TAF6L: variants seen among roughly 807,000 people sequenced by gnomAD.
TAF6L encodes TATA-box binding protein associated factor 6 like.
A neutral mutation model predicts 57.3 loss-of-function variants in TAF6L; 34 were observed. The ratio of observed to expected loss-of-function variants is 0.59; its 90% CI spans 0.45 to 0.79. The LOEUF is 0.79. Ranked by LOEUF, TAF6L falls within the 30% of genes least tolerant of loss-of-function variation. TAF6L has a pLI of 0.00. For missense variants in TAF6L, 782 were observed against 853.2 expected, an observed-to-expected ratio of 0.92 and a Z score of 1.04; for synonymous variants, 417 against 376.3, an observed-to-expected ratio of 1.11 and a Z score of -1.25.
At position 62,787,010 on chromosome 11, in the gene TAF6L, A is replaced by T; in HGVS notation, c.1583A>T (p.His528Leu). Reference protein sequence around the residue: ...ASESRPLPRVHRARGAPRQQG... With the variant: ...ASESRPLPRVLRARGAPRQQG... ...GAGAGCAGGCCCTTGCCGCGCGTGC[A>T]TCGGGCGCGCGGGGCACCCCGGCAG... Residue 528 changes from histidine to leucine, a missense_variant, in exon 11 of 11, where the codon CAT becomes CTT. By Grantham distance (99) the His-to-Leu change is moderately conservative. This residue lies in a region of TAF6L where 483 missense variants were observed against 445.1 expected (regional missense o/e 1.09). Transcript: ENST00000294168. 1 of 1,486,738 alleles carries T rather than the reference A, an allele frequency of 6.7e-7. No homozygotes were observed. Among genetic ancestry groups the T allele is most frequent in the African/African-American group, 1.5e-5 (1 of 68,054 alleles). 92.1% of individuals were successfully genotyped at this position (1,486,738 alleles called of 1,614,324 possible).
intron 6 of TAF6L, among the ~76,000 whole-genome samples, chr11:62,780,820 C>G (rs2084223561): frequency 6.6e-6 from 1 of 150,884 alleles, no homozygotes; most frequent in Non-Finnish European, 1.5e-5. Context: ...GTCTGTAATC[C>G]TAGCTACTTG....
chr11:62,783,983 TGGCGCC>T (rs2084250003), intron 9 of TAF6L, among the ~76,000 whole-genome samples: 1 of 141,304 alleles, frequency 7.1e-6, no homozygotes, highest in African/African-American at 2.7e-5. Context: ...CTTGCCAAGA[TGGCGCC>T]ACTACACTCC....
Position 62,778,096 on chromosome 11 carries a change from T to A in TAF6L, c.353T>A (p.Ile118Asn). The A allele has an allele frequency of 6.2e-7, 1 of 1,614,062 alleles. No individual in the cohort carries two copies. Reference sequence around the variant, plus strand: ...GTGGAGCTGGCCCTGGCTACCAACATCCCCAAAGGCTGTGCTGAGACAGCT... The same window carrying A: ...GTGGAGCTGGCCCTGGCTACCAACAACCCCAAAGGCTGTGCTGAGACAGCT... ...NLVELALATNIPKGCAETAVR... is the reference protein window; with the variant it reads ...NLVELALATNNPKGCAETAVR... Residue 118 changes from isoleucine (I) to asparagine (N), a missense_variant, in exon 4 of 11, where the codon ATC becomes AAC. Coordinates refer to ENST00000294168, the MANE Select transcript of TAF6L (RefSeq NM_006473.4).
chr11:62,775,622 G>T, intron 1 of TAF6L, 149 bp from the exon 2 acceptor site: 1 of 790,614 alleles, frequency 1.3e-6, no homozygotes, highest in African/African-American at 1.7e-5. Context: ...CCTTCTCTGA[G>T]CCTCACTTTC....
intron 1 of TAF6L, chr11:62,772,063 T>TA (rs1216946762): frequency 1.1e-5 from 5 of 455,944 alleles, no homozygotes; most frequent in African/African-American, 6.0e-5. Flanking sequence ...CCTCCCTACT[T>TA]ACTCAGTGCT....
chr11:62,772,050 C>G, intron 1 of TAF6L: 1 of 455,432 alleles, frequency 2.2e-6, no homozygotes, highest in Non-Finnish European at 4.4e-6. Context: ...AGTCCTTGCT[C>G]CCCCTCCCTA....
At chr11:62,779,573 G>A (rs186826030) in intron 6 of TAF6L, among the ~76,000 whole-genome samples, 145 of 152,126 alleles carry the variant, frequency 9.5e-4, no homozygotes, top group Admixed American at 2.2e-3. Flanking sequence ...TGATCCACCC[G>A]CCTTGGCCTC....
At chr11:62,785,538 CTT>C (rs1205888751) in intron 9 of TAF6L, among the ~76,000 whole-genome samples, 14 of 136,346 alleles carry the variant, frequency 1.0e-4, no homozygotes, top group African/African-American at 8.1e-5. Flanking sequence ...ATAGTTAATT[CTT>C]TTTTTTTTTT....
intron 3 of TAF6L, among the ~76,000 whole-genome samples, chr11:62,777,640 G>A (rs537132282): frequency 9.7e-4 from 148 of 152,288 alleles, no homozygotes; most frequent in Non-Finnish European, 1.6e-3. Flanking sequence ...TTTCTGGAGC[G>A]GTGAGTTGAG....
intron 3 of TAF6L, among the ~76,000 whole-genome samples, chr11:62,776,988 A>G (rs866673039): frequency 6.6e-6 from 1 of 152,058 alleles, no homozygotes. Flanking sequence ...TTCTACTAAA[A>G]ATACAAAAAT....
chr11:62,778,769 T>G, intron 5 of TAF6L, 100 bp from the exon 6 acceptor site: 1 of 993,958 alleles, frequency 1.0e-6, no homozygotes, highest in Non-Finnish European at 1.6e-6. Flanking sequence ...AGGCTTCTTG[T>G]GGATGTGTGT....
intron 8 of TAF6L, 129 bp from the exon 9 acceptor site, chr11:62,782,564 C>A: frequency 7.3e-7 from 1 of 1,374,708 alleles, no homozygotes. Context: ...TCACCCCTGG[C>A]AGCCTTCTTC....
intron 1 of TAF6L, chr11:62,772,192 C>T: frequency 2.2e-6 from 1 of 455,152 alleles, no homozygotes; most frequent in Non-Finnish European, 4.4e-6. Context: ...TGAAGTAATC[C>T]ATATAAAGCA....
At position 62,786,526 on chromosome 11, in the gene TAF6L, G is replaced by A. The variant is rs769890556; in HGVS notation, c.1099G>A (p.Glu367Lys). The change falls in exon 11 of 11, where the codon GAG becomes AAG. Residue 367 changes from glutamate (E) to lysine (K), a missense_variant. This residue lies in a region of TAF6L where 483 missense variants were observed against 445.1 expected (regional missense o/e 1.09). Transcript: ENST00000294168. ...KVYGAILVAV[E>K]RLLKMKAQAA... Reference sequence around the variant, plus strand: ...TCCTTGGCTCTTACAGGTGGCGGTAGAGCGACTGCTGAAGATGAAGGCCCA... The same window carrying A: ...TCCTTGGCTCTTACAGGTGGCGGTAAAGCGACTGCTGAAGATGAAGGCCCA... 1 of 1,553,734 alleles carries A rather than the reference G, an allele frequency of 6.4e-7. No individual in the cohort carries two copies. Among genetic ancestry groups the A allele is most frequent in the African/African-American group, 1.4e-5 (1 of 73,264 alleles).
At position 62,786,277 on chromosome 11, in the gene TAF6L, G is replaced by T; in HGVS notation, c.978G>T (p.Leu326=). The T allele has an allele frequency of 6.2e-7, 1 of 1,613,720 alleles. No individual in the cohort carries two copies. The highest frequency in any genetic ancestry group is 1.7e-5 in the Admixed American group (1 of 60,012). ...CCTTCCAGGCAGTAGAACGAGTCCT[G>T]TACCCACACCTGTCCACCTACTGGA... ...ALGWKAVERV[L]YPHLSTYWTN... The change falls in exon 10 of 11, where the codon CTG becomes CTT. Residue 326 remains leucine (L), a synonymous_variant. Transcript: ENST00000294168.
At chr11:62,786,203 C>T in intron 9 of TAF6L, 57 bp from the exon 10 acceptor site, 1 of 1,569,240 alleles carries the variant, frequency 6.4e-7, no homozygotes, top group Admixed American at 1.7e-5. Flanking sequence ...GGAAAGGGTC[C>T]TTGAGAGGGA....
chr11:62,781,434 G>A (rs2084228737), intron 6 of TAF6L, among the ~76,000 whole-genome samples: 1 of 152,102 alleles, frequency 6.6e-6, no homozygotes, highest in South Asian at 2.1e-4. Flanking sequence ...AGCACTTTGG[G>A]AGGCTGAGGT....
intron 8 of TAF6L, 134 bp from the exon 9 acceptor site, chr11:62,782,559 C>A: frequency 7.5e-7 from 1 of 1,329,240 alleles, no homozygotes; most frequent in Non-Finnish European, 1.0e-6. Context: ...GCCAGTCACC[C>A]CTGGCAGCCT....
intron 1 of TAF6L, among the ~76,000 whole-genome samples, chr11:62,773,093 G>A (rs1216555582): frequency 4.0e-5 from 6 of 151,392 alleles, no homozygotes; most frequent in Non-Finnish European, 7.4e-5. Context: ...CACCAGCTTC[G>A]GCCTCCCAAA....
Sources: gnomAD v4.1 joint callset for allele counts (sites outside exome capture counted in the v4.1 genomes callset) on GRCh38, gnomAD v4.1.1 for gene constraint, gnomAD v4.1.1 regional missense constraint, MANE v1.5 for transcripts, NCBI Gene and HGNC (gene_info 2026-07-23, HGNC 2026-07-21) for gene names.